Variants in KIF26A observed in about 807,000 individuals in gnomAD.
The protein encoded by KIF26A is kinesin family member 26A.
In KIF26A, 74 loss-of-function variants were observed where a neutral mutation model predicts 126.0. The ratio of observed to expected loss-of-function variants is 0.59; its 90% confidence interval spans 0.49 to 0.71. The LOEUF (loss-of-function observed/expected upper bound fraction) is 0.71. Among genes scored for constraint, KIF26A ranks in the 30% least tolerant of loss-of-function variants. The pLI, the probability that KIF26A is intolerant of heterozygous loss-of-function variation, is 0.00. For synonymous variants in KIF26A, 1,445 were observed against 1,232.7 expected, an observed-to-expected ratio of 1.17 and a Z score of -3.61; for missense variants, 2,984 against 2,763.3, an observed-to-expected ratio of 1.08 and a Z score of -1.79.
At chr14:104,150,180 T>TCCTCTCCTCATCCCCCTC (rs2037714588) in intron 2 of KIF26A, among the ~76,000 whole-genome samples, 1 of 37,108 alleles carries the variant, frequency 2.7e-5, no homozygotes, top group South Asian at 1.6e-3. Context: ...TTCTCCTCCT[T>TCCTCTCCTCATCCCCCTC]CCCCTCCTCA....
At chr14:104,173,896 A>G in intron 10 of KIF26A, 28 bp downstream of exon 10, 1 of 1,544,996 alleles carries the variant, frequency 6.5e-7, no homozygotes, top group East Asian at 2.3e-5. Context: ...GCAGGTGCCG[A>G]CCAGGGTGGC....
At chr14:104,171,978 C>T (rs1429756748) in intron 6 of KIF26A, 43 bp downstream of exon 6, 8 of 1,526,396 alleles carry the variant, frequency 5.2e-6, no homozygotes, top group East Asian at 4.9e-5. Flanking sequence ...GACCCGGAGC[C>T]GGGCTGCTGG....
At chr14:104,171,247 CT>C (rs973589632) in intron 5 of KIF26A, among the ~76,000 whole-genome samples, 4 of 152,234 alleles carry the variant, frequency 2.6e-5, no homozygotes, top group African/African-American at 9.6e-5. Flanking sequence ...GATGGCTCCC[CT>C]GACAGCGCCA....
intron 6 of KIF26A, 123 bp downstream of exon 6, chr14:104,172,058 C>A (rs943312499): frequency 7.7e-5 from 73 of 943,890 alleles, no homozygotes; most frequent in Middle Eastern, 6.6e-4. Context: ...GCGAGGGGCC[C>A]GCTGCCTGCG....
intron 3 of KIF26A, among the ~76,000 whole-genome samples, chr14:104,153,320 A>G (rs1397619589): frequency 1.3e-5 from 2 of 152,066 alleles, no homozygotes; most frequent in Non-Finnish European, 2.9e-5. Flanking sequence ...GCCGAGGCTC[A>G]CTGGAGGAAC....
chr14:104,144,077 C>A (rs1486869720), intron 2 of KIF26A, among the ~76,000 whole-genome samples: 1 of 152,238 alleles, frequency 6.6e-6, no homozygotes, highest in Non-Finnish European at 1.5e-5. Context: ...CCTGGGCTTT[C>A]TCTTCCCTGG....
In KIF26A at chr14:104,179,454, A is replaced by C; in HGVS notation, c.5467+68A>C. 2.8e-6 allele frequency: 4 copies of C among 1,440,814 alleles called. No individual in the cohort carries two copies. In the South Asian group the frequency reaches 5.7e-5, roughly 21 times the overall value. 89.3% of individuals were successfully genotyped at this position (1,440,814 alleles called of 1,614,324 possible). A position where few individuals can be genotyped will look rare whatever the true frequency, so the allele number is the denominator to read the frequency against. On this transcript the variant is annotated intron_variant, in intron 14 of 14. Transcript: ENST00000423312. ...GCCCTGACAGCTGCCCTCCCCTCCC[A>C]GAGCCCTGTTGCTCTCCTGTACCTC...
chr14:104,175,402 G>A lies in KIF26A; in HGVS notation c.2614G>A (p.Ala872Thr), dbSNP rs773032783. ...CACCGACGGAGCTCAGGCCAGCCCC[G>A]CCCGAGGGGGCCGGAAGCCCTCGCC... is the stretch of plus-strand genomic sequence containing the variant. ...GGTDGAQASP[A>T]RGGRKPSPPE... Residue 872 changes from alanine to threonine, a missense_variant, in exon 12 of 15, where the codon GCC becomes ACC. Physicochemically the swap from Ala to Thr is moderately conservative, Grantham distance 58. Transcript: ENST00000423312. The A allele has an allele frequency of 6.3e-6, 10 of 1,594,402 alleles. No individual in the cohort carries two copies. Among genetic ancestry groups the A allele is most frequent in the African/African-American group, 2.7e-5 (2 of 74,828 alleles).
rs1445800596 is a variant in KIF26A at position 104,177,184 on chromosome 14, G to C, written c.4396G>C (p.Gly1466Arg). ...GCCTCCCCGGGCTGTACCCAAGCTG[G>C]GTGTGCCACCCTCCAGCCCCACACA... ...GRPPRAVPKL[G>R]VPPSSPTHGP... Residue 1466 changes from glycine (G) to arginine (R), a missense_variant, in exon 12 of 15, where the codon GGT becomes CGT. Physicochemically the swap from Gly to Arg is moderately radical, Grantham distance 125 (BLOSUM62 -2). Coordinates refer to ENST00000423312, the MANE Select transcript of KIF26A (RefSeq NM_015656.2). 6.3e-7 allele frequency: 1 copy of C among 1,596,616 alleles called. No homozygotes were observed. The highest frequency in any genetic ancestry group is 8.5e-7 in the Non-Finnish European group (1 of 1,177,948).
At chr14:104,143,106 A>G (rs1044465687) in intron 2 of KIF26A, among the ~76,000 whole-genome samples, 2 of 152,220 alleles carry the variant, frequency 1.3e-5, no homozygotes, top group Non-Finnish European at 2.9e-5. Context: ...TGAATTGATT[A>G]TCGCCCCCGA....
Position 104,151,907 on chromosome 14 carries a change from C to T in KIF26A, c.289-108C>T. On this transcript the variant is annotated intron_variant, in intron 2 of 14. Transcript: ENST00000423312. The surrounding 1 kb of genome is among the most constrained non-coding windows in gnomAD (Gnocchi z 4.9). ...TAATCTGTTACGGATGGTGCGGTGG[C>T]CAGGCGGGAGCTCGCAGCGTCATGG... 1.1e-6 allele frequency: 1 copy of T among 900,940 alleles called. No homozygotes were observed. Among genetic ancestry groups the T allele is most frequent in the Non-Finnish European group, 1.8e-6 (1 of 558,952 alleles). The allele number at this position is 900,940 out of a possible 1,614,324, so 55.8% of individuals were successfully genotyped here. A position where few individuals can be genotyped will look rare whatever the true frequency, so the allele number is the denominator to read the frequency against.
At chr14:104,171,430 C>CA (rs1389293129) in intron 5 of KIF26A, among the ~76,000 whole-genome samples, 1 of 152,182 alleles carries the variant, frequency 6.6e-6, no homozygotes, top group African/African-American at 2.4e-5. Context: ...GTCCTCTTCT[C>CA]ACGGAGGCGC....
chr14:104,176,409 C>A lies in KIF26A; in HGVS notation c.3621C>A (p.His1207Gln), dbSNP rs997649173. The A allele has an allele frequency of 6.3e-7, 1 of 1,592,562 alleles. No homozygotes were observed. Among genetic ancestry groups the A allele is most frequent in the African/African-American group, 1.3e-5 (1 of 74,548 alleles). The change falls in exon 12 of 15, where the codon CAC (histidine) becomes CAA (glutamine). Residue 1207 changes from histidine (H) to glutamine (Q), a missense_variant. By Grantham distance (24) the His-to-Gln change is conservative. Transcript: ENST00000423312. ...GGGCATCCGCAGCCCAGACCATCCA[C>A]TCCAGCCTCCCCCGGAAACCGAGGA... ...SRWASAAQTI[H>Q]SSLPRKPRTA...
rs745920994 is a variant in KIF26A at position 104,175,935 on chromosome 14, G to A, written c.3147G>A (p.Gly1049=). ...CCCTGGGGGCGCTTGCCGGAGCTGGGCGGCCCACCAGCCTGGCTAGCTTCG... is the reference window on the plus strand; with the variant it reads ...CCCTGGGGGCGCTTGCCGGAGCTGGACGGCCCACCAGCCTGGCTAGCTTCG... ...ELSLGALAGA[G]RPTSLASFDS... Residue 1049 remains glycine (G), a synonymous_variant, in exon 12 of 15, where the codon GGG becomes GGA. Transcript: ENST00000423312. 1.5e-5 allele frequency: 23 copies of A among 1,557,340 alleles called. 1 individual carries two copies. The South Asian group carries it at 2.7e-4, about 18-fold the overall frequency.
chr14:104,139,388 G>A (rs1379450781), intron 2 of KIF26A, 100 bp downstream of exon 2: 1 of 1,296,632 alleles, frequency 7.7e-7, no homozygotes, highest in Non-Finnish European at 1.0e-6. Context: ...CTCCTTCCCT[G>A]CTGCTGTTTC....
chr14:104,171,607 G>A (rs1254506650), intron 5 of KIF26A, 116 bp from the exon 6 acceptor site: 1 of 809,680 alleles, frequency 1.2e-6, no homozygotes, highest in Non-Finnish European at 2.0e-6. Flanking sequence ...CTGCGGTGGG[G>A]GTGCCAGTGT....
In KIF26A at chr14:104,173,056, C is replaced by T; in HGVS notation, c.1500C>T (p.Phe500=). Residue 500 remains phenylalanine (F), a synonymous_variant, in exon 8 of 15, where the codon TTC becomes TTT. Transcript: ENST00000423312. ...GIVPCAISWL[F]RLIEERRERT... ...TGCCCTGCGCCATCTCCTGGCTCTTCAGGCTCATCGAGGAGCGCAGGGAGA... is the reference window on the plus strand; with the variant it reads ...TGCCCTGCGCCATCTCCTGGCTCTTTAGGCTCATCGAGGAGCGCAGGGAGA... 1 of 1,606,190 alleles carries T rather than the reference C, an allele frequency of 6.2e-7. No homozygotes were observed. Among genetic ancestry groups the T allele is most frequent in the African/African-American group, 1.3e-5 (1 of 74,916 alleles).
Position 104,177,725 on chromosome 14 carries a change from G to A in KIF26A, c.4937G>A (p.Gly1646Asp). Residue 1646 changes from glycine (G) to aspartate (D), a missense_variant, in exon 12 of 15, where the codon GGC becomes GAC. By Grantham distance (94) the Gly-to-Asp change is moderately conservative. Coordinates refer to ENST00000423312, the MANE Select transcript of KIF26A (RefSeq NM_015656.2). ...AGTGGAGAGCTGCCGCCCGCCATGG[G>A]CCGCACCGCCCTTTTCCACCACAGC... ...VLSGELPPAM[G>D]RTALFHHSGG... 1 of 1,538,216 alleles carries A rather than the reference G, an allele frequency of 6.5e-7. No homozygotes were observed. The highest frequency in any genetic ancestry group is 8.7e-7 in the Non-Finnish European group (1 of 1,148,298).
At chr14:104,158,858 G>A (rs2037807595) in intron 4 of KIF26A, among the ~76,000 whole-genome samples, 1 of 152,226 alleles carries the variant, frequency 6.6e-6, no homozygotes, top group Non-Finnish European at 1.5e-5. Flanking sequence ...GATGGTGTAA[G>A]GATGCGGATT....
Sources: allele counts gnomAD v4.1 joint callset (sites outside exome capture counted in the v4.1 genomes callset), GRCh38; gene constraint gnomAD v4.1.1; non-coding constraint Gnocchi (gnomAD v3.1); transcripts MANE v1.5; gene names NCBI Gene and HGNC (gene_info 2026-07-23, HGNC 2026-07-21).